The following ZFX variants were observed in gnomAD, a reference collection of about 807,000 sequenced individuals.
The protein encoded by ZFX is zinc finger protein X-linked.
For missense variants in ZFX, 362 were observed against 628.3 expected (o/e 0.58, Z 4.53); for synonymous variants, 196 against 226.8 (o/e 0.86, Z 1.22).
chrX:24,200,744 T>C (rs1295034200), intron 5 of ZFX, among the ~76,000 whole-genome samples: 1 of 111,983 alleles, frequency 8.9e-6, no homozygotes, highest in African/African-American at 3.2e-5. Flanking sequence ...GTCTGAGTTC[T>C]AAAGACAGGC....
At chrX:24,205,307 T>C (rs1009254754) in intron 5 of ZFX, among the ~76,000 whole-genome samples, 2 of 111,878 alleles carry the variant, frequency 1.8e-5, no homozygotes, top group African/African-American at 6.5e-5. Context: ...AACCCAACTT[T>C]TTGTGATAAA....
intron 5 of ZFX, among the ~76,000 whole-genome samples, chrX:24,185,610 C>G (rs1004023825): frequency 9.0e-6 from 1 of 111,388 alleles, no homozygotes; most frequent in Admixed American, 9.5e-5. Flanking sequence ...GCCACCACGC[C>G]TGGCTAATTT....
chrX:24,208,777 T>A (rs1416390194), intron 8 of ZFX, 123 bp from the exon 9 acceptor site: 3 of 754,773 alleles, frequency 4.0e-6, no homozygotes, highest in Non-Finnish European at 5.7e-6. Context: ...TGACCTAGAA[T>A]GGGGAATTTC....
At chrX:24,178,093 G>A (rs781444416) in intron 4 of ZFX, among the ~76,000 whole-genome samples, 21 of 107,026 alleles carry the variant, frequency 2.0e-4, no homozygotes, top group East Asian at 8.9e-4. Context: ...CACCACACCC[G>A]GATAATTTTT....
At chrX:24,156,119 A>G (rs112585765) in intron 3 of ZFX, among the ~76,000 whole-genome samples, 1 of 111,245 alleles carries the variant, frequency 9.0e-6, no homozygotes, top group Non-Finnish European at 1.9e-5. Flanking sequence ...CTTGTCTCGA[A>G]CTCCTGACCT....
At chrX:24,169,142 A>G (rs2147456544) in intron 3 of ZFX, among the ~76,000 whole-genome samples, 1 of 111,616 alleles carries the variant, frequency 9.0e-6, no homozygotes, top group East Asian at 2.8e-4. Flanking sequence ...GAATGTTTGA[A>G]TTTTTGTAAT....
At chrX:24,208,068 A>T in intron 7 of ZFX, 150 bp from the exon 8 acceptor site, 3 of 853,000 alleles carry the variant, frequency 3.5e-6, no homozygotes, top group Non-Finnish European at 4.9e-6. Context: ...ACAAATATGT[A>T]TTGAGTGCTT....
chrX:24,205,276 T>C (rs901578577), intron 5 of ZFX, among the ~76,000 whole-genome samples: 2 of 112,249 alleles, frequency 1.8e-5, no homozygotes, highest in African/African-American at 6.5e-5. Flanking sequence ...AGTGTTTCAC[T>C]AATGGACTCA....
intron 5 of ZFX, among the ~76,000 whole-genome samples, chrX:24,183,992 C>T (rs1005646341): frequency 1.2e-4 from 13 of 110,820 alleles, no homozygotes; most frequent in African/African-American, 4.3e-4. Context: ...AACTCCTGAC[C>T]TCAAGTGATC....
chrX:24,163,364 G>GTTTTTTTTTTTTTTTTTTTTTTT lies in ZFX; in HGVS notation c.-28-9342_-28-9320dup, dbSNP rs66467960. Among the ~76,000 whole-genome samples, 4 of 19,049 alleles carry GTTTTTTTTTTTTTTTTTTTTTTT rather than the reference G, an allele frequency of 2.1e-4. 2 individuals are homozygous for GTTTTTTTTTTTTTTTTTTTTTTT. The highest frequency in any genetic ancestry group is 3.3e-4 in the Non-Finnish European group (4 of 12,225). 16.5% of individuals were successfully genotyped at this position (19,049 alleles called of 115,157 possible). On this transcript the variant is annotated intron_variant, in intron 3 of 9. Coordinates refer to ENST00000304543, the MANE Select transcript of ZFX (RefSeq NM_003410.4). ...AATTTGGTTAAATTATTTTTGTTAGGTTTTTTTTTTTTTTTTTTTTTTTTT... is the reference window on the plus strand; with the variant it reads ...AATTTGGTTAAATTATTTTTGTTAGGTTTTTTTTTTTTTTTTTTTTTTTTTTTTTTTTTTTTTTTTTTTTTTTT...
intron 5 of ZFX, among the ~76,000 whole-genome samples, chrX:24,184,121 A>G (rs1935915086): frequency 1.8e-5 from 2 of 111,676 alleles, no homozygotes; most frequent in Admixed American, 1.9e-4. Flanking sequence ...CTCATTGTGT[A>G]TATGCAAATA....
At chrX:24,192,067 TAC>T (rs1936570192) in intron 5 of ZFX, among the ~76,000 whole-genome samples, 1 of 112,066 alleles carries the variant, frequency 8.9e-6, no homozygotes, top group African/African-American at 3.2e-5. Flanking sequence ...AAGTCTATCC[TAC>T]AGTTTTTCTT....
In ZFX at chrX:24,213,287, GAGAAC is replaced by G. The variant is rs1270987436; in HGVS notation, c.*1916_*1920del. 8.9e-6 allele frequency: 1 copy of G among 111,962 alleles called. No homozygotes were observed. Among genetic ancestry groups the G allele is most frequent in the Non-Finnish European group, 1.9e-5 (1 of 53,154 alleles). 9.2% of individuals were successfully genotyped at this position (111,962 alleles called of 1,213,427 possible). On this transcript the variant is annotated 3_prime_UTR_variant, in exon 10 of 10. Transcript: ENST00000304543. ...CTTGGTTATGTTAAGACGAATCTGG[GAGAAC>G]AGAAAACAGTTTTTGGGGTCCCTTC...
At chrX:24,198,400 A>G (rs1454821362) in intron 5 of ZFX, among the ~76,000 whole-genome samples, 2 of 108,352 alleles carry the variant, frequency 1.8e-5, no homozygotes, top group Non-Finnish European at 1.9e-5. Flanking sequence ...TGGTCTCACT[A>G]TATTACCCAG....
intron 9 of ZFX, 93 bp from the exon 10 acceptor site, chrX:24,210,100 C>G: frequency 9.0e-7 from 1 of 1,116,704 alleles, no homozygotes; most frequent in Non-Finnish European, 1.2e-6. Context: ...GAGTCCTTGG[C>G]CAACAGTGGT....
At position 24,211,179 on chromosome X, in the gene ZFX, C is replaced by T; in HGVS notation, c.2221C>T (p.His741Tyr). 8.2e-7 allele frequency: 1 copy of T among 1,212,227 alleles called. No homozygotes were observed. The highest frequency in any genetic ancestry group is 1.1e-6 in the Non-Finnish European group (1 of 895,653). ...TGAGCTTAAAAAGCATATGAAGACA[C>T]ACAGTGGCAGGAAAGTGTATCAGTG... is the stretch of plus-strand genomic sequence containing the variant. The part of the protein sequence containing the change: ...QSELKKHMKT[H>Y]SGRKVYQCEY... The change falls in exon 10 of 10, where the codon CAC becomes TAC. Residue 741 changes from histidine to tyrosine, a missense_variant. His to Tyr is a moderately conservative substitution (Grantham distance 83). Coordinates refer to ENST00000304543, the MANE Select transcript of ZFX (RefSeq NM_003410.4).
At position 24,211,394 on chromosome X, in the gene ZFX, G is replaced by A. The variant is rs760474980; in HGVS notation, c.*18G>A. ...TGCCCTAACAATACTTCTACAGAACGTTTGTAGAGATATTGGCCTTGAAGC... is the reference window on the plus strand; with the variant it reads ...TGCCCTAACAATACTTCTACAGAACATTTGTAGAGATATTGGCCTTGAAGC... On this transcript the variant is annotated 3_prime_UTR_variant, in exon 10 of 10. Transcript: ENST00000304543. The A allele has an allele frequency of 1.5e-5, 18 of 1,205,386 alleles. No individual in the cohort carries two copies. The African/African-American group carries it at 2.1e-4, about 14-fold the overall frequency.
At chrX:24,151,371 G>A (rs1000315168) in intron 1 of ZFX, 6 of 111,905 alleles carry the variant, frequency 5.4e-5, no homozygotes, top group African/African-American at 2.0e-4. Flanking sequence ...GGTTCCTGAA[G>A]TATTAATAGG....
chrX:24,158,606 CT>C (rs904429999), intron 3 of ZFX, among the ~76,000 whole-genome samples: 2 of 110,682 alleles, frequency 1.8e-5, no homozygotes, highest in Non-Finnish European at 3.8e-5. Context: ...TTGTAGTGGG[CT>C]TTTTTGAGAG....
Sources: gnomAD v4.1 joint callset for allele counts (sites outside exome capture counted in the v4.1 genomes callset) on GRCh38, gnomAD v4.1.1 for gene constraint, MANE v1.5 for transcripts, NCBI Gene and HGNC (gene_info 2026-07-23, HGNC 2026-07-21) for gene names.